Variants in GNG11 observed in about 807,000 individuals in gnomAD.
GNG11 encodes G protein subunit gamma 11.
A neutral mutation model predicts 7.4 loss-of-function variants in GNG11; 6 were observed. The ratio of observed to expected loss-of-function variants is 0.81; its 90% confidence interval spans 0.44 to 1.60. GNG11 has a LOEUF of 1.60. Among genes scored for constraint, GNG11 ranks in the 40% most tolerant of loss-of-function variants. The probability of loss-of-function intolerance (pLI) is 0.01; values close to 1 mark genes in which losing one functional copy is unlikely to be tolerated. For missense variants in GNG11, 65 were observed against 83.0 expected (o/e 0.78, Z 0.84); for synonymous variants, 31 against 25.9 (o/e 1.20, Z -0.60).
rs550406209 is a variant in GNG11 at position 93,926,786 on chromosome 7, A to G, written c.*570A>G. On this transcript the variant is annotated 3_prime_UTR_variant, in exon 2 of 2. Transcript: ENST00000248564. ...AAGTCAGATTATCTGAGTCAGGAAC[A>G]AGGCCAAGCCACATCTATGTTAGTA... The G allele has an allele frequency of 6.6e-6, 1 of 152,404 alleles. No homozygotes were observed. Among genetic ancestry groups the G allele is most frequent in the Non-Finnish European group, 1.5e-5 (1 of 68,090 alleles). 9.4% of individuals were successfully genotyped at this position (152,404 alleles called of 1,614,324 possible).
intron 1 of GNG11, among the ~76,000 whole-genome samples, chr7:93,922,927 A>G (rs1794634604): frequency 6.6e-6 from 1 of 152,194 alleles, no homozygotes; most frequent in Non-Finnish European, 1.5e-5. Flanking sequence ...TTCATTGAGA[A>G]CATATGACCC....
chr7:93,922,959 A>G (rs1449141744), intron 1 of GNG11, among the ~76,000 whole-genome samples: 1 of 152,210 alleles, frequency 6.6e-6, no homozygotes, highest in Non-Finnish European at 1.5e-5. Context: ...TTCTCCACTG[A>G]AACGTCTCGG....
Position 93,922,088 on chromosome 7 carries a change from T to G in GNG11, c.-50T>G, listed in dbSNP as rs1420989977. 8.2e-7 allele frequency: 1 copy of G among 1,223,872 alleles called. No homozygotes were observed. Among genetic ancestry groups the G allele is most frequent in the Non-Finnish European group, 1.1e-6 (1 of 871,136 alleles). The allele number at this position is 1,223,872 out of a possible 1,614,324, so 75.8% of individuals were successfully genotyped here. On this transcript the variant is annotated 5_prime_UTR_variant, in exon 1 of 2. Coordinates refer to ENST00000248564, the MANE Select transcript of GNG11 (RefSeq NM_004126.4). ...GGGACGCGCCGAGCTTCGCCGCTCT[T>G]CCAGCGGCTCCGCTGCCAGAGCTAG...
chr7:93,921,860 T>G lies in GNG11; in HGVS notation c.-278T>G, dbSNP rs893221950. The G allele has an allele frequency of 3.6e-6, 1 of 281,292 alleles. No individual in the cohort carries two copies. Among genetic ancestry groups the G allele is most frequent in the Non-Finnish European group, 6.6e-6 (1 of 150,700 alleles). 17.4% of individuals were successfully genotyped at this position (281,292 alleles called of 1,614,324 possible). A position where few individuals can be genotyped will look rare whatever the true frequency, so the allele number is the denominator to read the frequency against. The stretch of plus-strand genomic sequence containing the variant: ...AAGCTGCTTGGACCCAGTCTCAAAC[T>G]TAACCCTCATCTAGCACCCGGGCAG... On this transcript the variant is annotated 5_prime_UTR_variant, in exon 1 of 2. Coordinates refer to ENST00000248564, the MANE Select transcript of GNG11 (RefSeq NM_004126.4).
Position 93,926,180 on chromosome 7 carries a change from C to A in GNG11, c.186C>A (p.Asn62Lys), listed in dbSNP as rs756991850. 1.9e-6 allele frequency: 3 copies of A among 1,592,060 alleles called. No homozygotes were observed. In the South Asian group the frequency reaches 3.5e-5, roughly 18 times the overall value. The change falls in exon 2 of 2, where the codon AAC becomes AAA. Residue 62 changes from asparagine (N) to lysine (K), a missense_variant. Physicochemically the swap from Asn to Lys is moderately conservative, Grantham distance 94. Coordinates refer to ENST00000248564, the MANE Select transcript of GNG11 (RefSeq NM_004126.4). ...TAAAGGGAATTCCAGAAGACAAGAACCCCTTTAAAGAAAAAGGCAGCTGTG... is the reference window on the plus strand; with the variant it reads ...TAAAGGGAATTCCAGAAGACAAGAAACCCTTTAAAGAAAAAGGCAGCTGTG... Reference protein sequence around the residue: ...PLVKGIPEDKNPFKEKGSCVI... With the variant: ...PLVKGIPEDKKPFKEKGSCVI...
chr7:93,927,122 A>G lies in GNG11; in HGVS notation c.*906A>G, dbSNP rs1184871002. ...ACATGCCTTTTTTTCTTCTCCTCCAAAGGAACCAGTGAATCTTTGCCCACT... is the reference window on the plus strand; with the variant it reads ...ACATGCCTTTTTTTCTTCTCCTCCAGAGGAACCAGTGAATCTTTGCCCACT... On this transcript the variant is annotated 3_prime_UTR_variant, in exon 2 of 2. Coordinates refer to ENST00000248564, the MANE Select transcript of GNG11 (RefSeq NM_004126.4). 1 of 152,164 alleles carries G rather than the reference A, an allele frequency of 6.6e-6. No individual in the cohort carries two copies. Among genetic ancestry groups the G allele is most frequent in the Non-Finnish European group, 1.5e-5 (1 of 68,052 alleles). 9.4% of individuals were successfully genotyped at this position (152,164 alleles called of 1,614,324 possible).
intron 1 of GNG11, among the ~76,000 whole-genome samples, chr7:93,923,851 G>T (rs1048129581): frequency 1.3e-5 from 2 of 152,140 alleles, no homozygotes; most frequent in Non-Finnish European, 2.9e-5. Flanking sequence ...TCAAGTGTAT[G>T]CCAGAGGGAG....
intron 1 of GNG11, among the ~76,000 whole-genome samples, chr7:93,923,394 C>T (rs1305075340): frequency 2.0e-5 from 3 of 152,084 alleles, no homozygotes; most frequent in African/African-American, 7.2e-5. Flanking sequence ...GCTGTCCCTT[C>T]TATCATGTTA....
At chr7:93,923,134 T>G (rs1453227956) in intron 1 of GNG11, among the ~76,000 whole-genome samples, 2 of 152,168 alleles carry the variant, frequency 1.3e-5, no homozygotes, top group Non-Finnish European at 2.9e-5. Context: ...AGCAAGAAAA[T>G]TTTGAACTGA....
In GNG11 at chr7:93,926,254, A is replaced by C. The variant is rs1033743339; in HGVS notation, c.*38A>C. 6.7e-6 allele frequency: 10 copies of C among 1,485,946 alleles called. No homozygotes were observed. Among genetic ancestry groups the C allele is most frequent in the Non-Finnish European group, 8.2e-6 (9 of 1,102,666 alleles). 92.0% of individuals were successfully genotyped at this position (1,485,946 alleles called of 1,614,324 possible). A position where few individuals can be genotyped will look rare whatever the true frequency, so the allele number is the denominator to read the frequency against. On this transcript the variant is annotated 3_prime_UTR_variant, in exon 2 of 2. Transcript: ENST00000248564. ...AAACTGCATCCTAAGTGGAAGAACT[A>C]GTTTGTTTTAGTTTTCCCAGATAAA... is the stretch of plus-strand genomic sequence containing the variant.
intron 1 of GNG11, among the ~76,000 whole-genome samples, chr7:93,925,460 C>T (rs1794664862): frequency 6.6e-6 from 1 of 152,130 alleles, no homozygotes; most frequent in Admixed American, 6.5e-5. Flanking sequence ...TTATTATGAT[C>T]ATTGCCCTCA....
In GNG11 at chr7:93,926,207, T is replaced by C; in HGVS notation, c.213T>C (p.Val71=). 2 of 1,575,562 alleles carry C rather than the reference T, an allele frequency of 1.3e-6. No individual in the cohort carries two copies. Among genetic ancestry groups the C allele is most frequent in the Non-Finnish European group, 8.6e-7 (1 of 1,165,512 alleles). The change falls in exon 2 of 2, where the codon GTT becomes GTC. Residue 71 remains valine (V), a synonymous_variant. Transcript: ENST00000248564. The part of the protein sequence containing the change: ...KNPFKEKGSC[V]IS ...CCTTTAAAGAAAAAGGCAGCTGTGT[T>C]ATTTCATAAATAACTTGGGAGAAAC...
rs1794696625 is a variant in GNG11 at position 93,927,711 on chromosome 7, AC to A, written c.*1499del. On this transcript the variant is annotated 3_prime_UTR_variant, in exon 2 of 2. Transcript: ENST00000248564. The stretch of plus-strand genomic sequence containing the variant: ...TTCCCTCTCTGGGAAAGAACAGAAT[AC>A]CCCAGGCTTTTGAAAAATAGTTTAC... 1 of 152,138 alleles carries A rather than the reference AC, an allele frequency of 6.6e-6. No homozygotes were observed. The highest frequency in any genetic ancestry group is 1.5e-5 in the Non-Finnish European group (1 of 68,026). 9.4% of individuals were successfully genotyped at this position (152,138 alleles called of 1,614,324 possible).
Position 93,928,166 on chromosome 7 carries a change from T to A in GNG11, c.*1950T>A, listed in dbSNP as rs1377124161. 1 of 150,620 alleles carries A rather than the reference T, an allele frequency of 6.6e-6. No individual in the cohort carries two copies. The highest frequency in any genetic ancestry group is 6.6e-5 in the Admixed American group (1 of 15,226). The allele number at this position is 150,620 out of a possible 1,614,324, so 9.3% of individuals were successfully genotyped here. A position where few individuals can be genotyped will look rare whatever the true frequency, so the allele number is the denominator to read the frequency against. ...TCCCTAACTTGTTGGGAGTTGCGAT[T>A]ACAAGTCTATATCCTGATTTCTATT... On this transcript the variant is annotated 3_prime_UTR_variant, in exon 2 of 2. Transcript: ENST00000248564.
Position 93,927,172 on chromosome 7 carries a change from T to C in GNG11, c.*956T>C, listed in dbSNP as rs2115938833. On this transcript the variant is annotated 3_prime_UTR_variant, in exon 2 of 2. Transcript: ENST00000248564. The stretch of plus-strand genomic sequence containing the variant: ...TTTAAAGATTAGTTGGTCTTTTTCT[T>C]ACTGATTTGTAGGAATTCTTCATAT... The C allele has an allele frequency of 6.6e-6, 1 of 152,362 alleles. No individual in the cohort carries two copies. The highest frequency in any genetic ancestry group is 1.9e-4 in the East Asian group (1 of 5,188). The allele number at this position is 152,362 out of a possible 1,614,324, so 9.4% of individuals were successfully genotyped here.
At chr7:93,924,847 C>T (rs919840710) in intron 1 of GNG11, among the ~76,000 whole-genome samples, 6 of 152,174 alleles carry the variant, frequency 3.9e-5, no homozygotes, top group South Asian at 4.1e-4. Context: ...AACATTTGCC[C>T]AGTTTTCATA....
chr7:93,922,979 A>G (rs1157829733), intron 1 of GNG11, among the ~76,000 whole-genome samples: 1 of 152,208 alleles, frequency 6.6e-6, no homozygotes, highest in Non-Finnish European at 1.5e-5. Flanking sequence ...GGAGTTTTAT[A>G]AGTTTTACTT....
At chr7:93,923,081 C>G (rs1383134070) in intron 1 of GNG11, among the ~76,000 whole-genome samples, 1 of 152,150 alleles carries the variant, frequency 6.6e-6, no homozygotes, top group African/African-American at 2.4e-5. Flanking sequence ...TAGGAAAGGT[C>G]TTTGAATAGA....
In GNG11 at chr7:93,922,100, G is replaced by A; in HGVS notation, c.-38G>A. On this transcript the variant is annotated 5_prime_UTR_variant, in exon 1 of 2. Coordinates refer to ENST00000248564, the MANE Select transcript of GNG11 (RefSeq NM_004126.4). The stretch of plus-strand genomic sequence containing the variant: ...GCTTCGCCGCTCTTCCAGCGGCTCC[G>A]CTGCCAGAGCTAGCCCGAGCCCGGT... The A allele has an allele frequency of 1.5e-6, 2 of 1,341,542 alleles. No individual in the cohort carries two copies. Among genetic ancestry groups the A allele is most frequent in the Admixed American group, 2.1e-5 (1 of 47,064 alleles). 83.1% of individuals were successfully genotyped at this position (1,341,542 alleles called of 1,614,324 possible). A position where few individuals can be genotyped will look rare whatever the true frequency, so the allele number is the denominator to read the frequency against.
Sources: allele counts gnomAD v4.1 joint callset (sites outside exome capture counted in the v4.1 genomes callset), GRCh38; gene constraint gnomAD v4.1.1; transcripts MANE v1.5; gene names NCBI Gene and HGNC (gene_info 2026-07-23, HGNC 2026-07-21).